Variants in ATG10 observed in about 807,000 individuals in gnomAD.
ATG10 encodes the protein autophagy related 10.
In ATG10, 30 loss-of-function variants were observed where a neutral mutation model predicts 32.1. The observed-to-expected ratio is 0.94, with a 90% CI of 0.70 to 1.27. The LOEUF is 1.27. Among genes scored for constraint, ATG10 ranks in the 50% most tolerant of loss-of-function variants. The pLI is 0.00. For synonymous variants in ATG10, 87 were observed against 91.5 expected, an observed-to-expected ratio of 0.95 and a Z score of 0.28; for missense variants, 233 against 262.3, an observed-to-expected ratio of 0.89 and a Z score of 0.77.
chr5:82,128,433 TC>T (rs1203814402), intron 3 of ATG10, among the ~76,000 whole-genome samples: 14 of 143,038 alleles, frequency 9.8e-5, no homozygotes, highest in Non-Finnish European at 7.8e-5. Flanking sequence ...TACTGGTTTT[TC>T]CTTTCCATAT....
chr5:82,078,321 C>G (rs1486352361), intron 3 of ATG10: 1 of 152,152 alleles, frequency 6.6e-6, no homozygotes, highest in Non-Finnish European at 1.5e-5. Context: ...GCATTTCCTG[C>G]AAAAGAAGCT....
intron 1 of ATG10, among the ~76,000 whole-genome samples, chr5:81,978,862 A>G (rs1332642172): frequency 6.6e-6 from 1 of 151,966 alleles, no homozygotes; most frequent in African/African-American, 2.4e-5. Flanking sequence ...ACTATAAATG[A>G]GAAGAGGTGT....
intron 3 of ATG10, among the ~76,000 whole-genome samples, chr5:82,089,839 C>G (rs545250545): frequency 2.0e-5 from 3 of 151,752 alleles, no homozygotes; most frequent in African/African-American, 7.3e-5. Flanking sequence ...TAGTTACAAA[C>G]CACATATCCA....
At position 82,225,941 on chromosome 5, in the gene ATG10, A is replaced by G. The variant is rs142503735; in HGVS notation, c.454-26621A>G. ...CTATGGTATATTGTTTATATGTAAT[A>G]TAGAGTAGCATCTTAGAGTGAGTTA... On this transcript the variant is annotated intron_variant, in intron 5 of 7. Coordinates refer to ENST00000282185, the MANE Select transcript of ATG10 (RefSeq NM_031482.5). 5.8e-4 allele frequency among the ~76,000 whole-genome samples: 89 copies of G among 152,354 alleles called. No homozygotes were observed. In the East Asian group the frequency reaches 0.015, roughly 26 times the overall value.
At chr5:82,175,061 A>G (rs1284797106) in intron 4 of ATG10, among the ~76,000 whole-genome samples, 1 of 152,200 alleles carries the variant, frequency 6.6e-6, no homozygotes, top group African/African-American at 2.4e-5. Context: ...TTGTGGATGT[A>G]TAACAGACTT....
chr5:82,131,139 C>G (rs2149841695), intron 3 of ATG10, among the ~76,000 whole-genome samples: 1 of 152,176 alleles, frequency 6.6e-6, no homozygotes, highest in South Asian at 2.1e-4. Context: ...TCACGGGATC[C>G]ATACTCCAAA....
chr5:81,993,837 G>A (rs1165622292), intron 2 of ATG10, among the ~76,000 whole-genome samples: 1 of 152,048 alleles, frequency 6.6e-6, no homozygotes, highest in Non-Finnish European at 1.5e-5. Context: ...TTGTAGTTTG[G>A]TTTTCAGAAA....
At chr5:82,226,841 T>C (rs1011471803) in intron 5 of ATG10, among the ~76,000 whole-genome samples, 1 of 152,232 alleles carries the variant, frequency 6.6e-6, no homozygotes, top group Non-Finnish European at 1.5e-5. Context: ...ATTATAATTA[T>C]GCTTATTACT....
chr5:81,998,339 A>G (rs1283865085), intron 2 of ATG10, among the ~76,000 whole-genome samples: 2 of 152,212 alleles, frequency 1.3e-5, no homozygotes, highest in African/African-American at 4.8e-5. Flanking sequence ...AGCAAATGCT[A>G]AGGGAATTCA....
At chr5:82,073,423 G>A (rs1764185883) in intron 3 of ATG10, 1 of 152,184 alleles carries the variant, frequency 6.6e-6, no homozygotes, top group Non-Finnish European at 1.5e-5. Flanking sequence ...GGGTCTGCCA[G>A]GGGCTTTGTG....
chr5:82,026,821 G>T (rs1469555545), intron 2 of ATG10, among the ~76,000 whole-genome samples: 1 of 152,094 alleles, frequency 6.6e-6, no homozygotes, highest in Non-Finnish European at 1.5e-5. Flanking sequence ...AGCACTTTGG[G>T]AGGCCAAGGT....
intron 3 of ATG10, among the ~76,000 whole-genome samples, chr5:82,138,929 T>C (rs1185326197): frequency 7.5e-5 from 10 of 133,656 alleles, no homozygotes; most frequent in African/African-American, 2.8e-4. Context: ...ACTGCTGCCA[T>C]CTCGGCTCAC....
In ATG10 at chr5:82,069,639, C is replaced by T. The variant is rs147422741; in HGVS notation, c.216+11037C>T. On this transcript the variant is annotated intron_variant, in intron 3 of 7. Transcript: ENST00000282185. ...TGATATCGCTTGTCTCTTGATTTTTCTGGGTTAGAACTATCTAGAATTTCT... is the reference window on the plus strand; with the variant it reads ...TGATATCGCTTGTCTCTTGATTTTTTTGGGTTAGAACTATCTAGAATTTCT... Among the ~76,000 whole-genome samples the T allele has an allele frequency of 3.5e-3, 527 of 152,218 alleles. 1 individual carries two copies. Among genetic ancestry groups the T allele is most frequent in the African/African-American group, 0.012 (508 of 41,548 alleles).
At chr5:82,241,081 T>C (rs528898760) in intron 5 of ATG10, among the ~76,000 whole-genome samples, 77 of 152,300 alleles carry the variant, frequency 5.1e-4, no homozygotes, top group Admixed American at 4.8e-3. Context: ...CTAATATAAA[T>C]TGATAAGAAA....
chr5:82,112,892 G>T (rs923573252), intron 3 of ATG10, among the ~76,000 whole-genome samples: 1 of 151,784 alleles, frequency 6.6e-6, no homozygotes, highest in African/African-American at 2.4e-5. Context: ...ATTAAAATTG[G>T]TATCAGCCTT....
intron 3 of ATG10, among the ~76,000 whole-genome samples, chr5:82,099,023 A>AC (rs1188558065): frequency 1.3e-5 from 2 of 152,242 alleles, no homozygotes; most frequent in Non-Finnish European, 2.9e-5. Flanking sequence ...ACAAAACTGT[A>AC]CTAATTTGCC....
chr5:82,179,965 C>A (rs920363059), intron 5 of ATG10, among the ~76,000 whole-genome samples: 2 of 152,144 alleles, frequency 1.3e-5, no homozygotes, highest in East Asian at 3.9e-4. Flanking sequence ...CACTGTCACC[C>A]TCCTAGATCA....
intron 3 of ATG10, among the ~76,000 whole-genome samples, chr5:82,123,454 A>G (rs1161550937): frequency 1.3e-5 from 2 of 152,052 alleles, no homozygotes; most frequent in African/African-American, 4.8e-5. Flanking sequence ...AATCTGTTCA[A>G]CAAACCCGCA....
chr5:82,005,059 A>G (rs1011292411), intron 2 of ATG10, among the ~76,000 whole-genome samples: 1 of 152,192 alleles, frequency 6.6e-6, no homozygotes, highest in African/African-American at 2.4e-5. Flanking sequence ...TTATGGACTC[A>G]TGTATAAAAT....
Sources: gnomAD v4.1 joint callset for allele counts (sites outside exome capture counted in the v4.1 genomes callset) on GRCh38, gnomAD v4.1.1 for gene constraint, MANE v1.5 for transcripts, NCBI Gene and HGNC (gene_info 2026-07-23, HGNC 2026-07-21) for gene names.